Variants in PHKA1 observed in about 807,000 individuals in gnomAD.
PHKA1 encodes phosphorylase b kinase regulatory subunit alpha, skeletal muscle isoform.
A neutral mutation model predicts 110.2 loss-of-function variants in PHKA1; 60 were observed. That is an observed-to-expected ratio of 0.54 (90% CI 0.44 to 0.68). The LOEUF (loss-of-function observed/expected upper bound fraction) is 0.68. Among genes scored for constraint, PHKA1 ranks in the 30% least tolerant of loss-of-function variants. PHKA1 has a pLI of 0.00. For missense variants in PHKA1, 801 were observed against 942.5 expected (o/e 0.85, Z 1.97); for synonymous variants, 316 against 333.6 (o/e 0.95, Z 0.58).
intron 14 of PHKA1, 86 bp downstream of exon 14, chrX:72,644,276 T>C: frequency 9.8e-7 from 1 of 1,016,111 alleles, no homozygotes; most frequent in Non-Finnish European, 1.4e-6. Flanking sequence ...AATAAAGCAA[T>C]ACACAATCAT....
intron 26 of PHKA1, among the ~76,000 whole-genome samples, chrX:72,602,640 C>CAT (rs1415772512): frequency 1.8e-5 from 2 of 112,082 alleles, no homozygotes; most frequent in Admixed American, 1.9e-4. Flanking sequence ...GACCACTTTT[C>CAT]ATTTGCTCTG....
intron 16 of PHKA1, among the ~76,000 whole-genome samples, chrX:72,627,545 T>A (rs965979239): frequency 1.1e-4 from 12 of 112,450 alleles, no homozygotes; most frequent in African/African-American, 3.9e-4. Context: ...ATGATCTGCT[T>A]TCTAACTTTA....
intron 6 of PHKA1, among the ~76,000 whole-genome samples, chrX:72,674,284 T>C (rs1463752687): frequency 9.0e-6 from 1 of 110,507 alleles, no homozygotes; most frequent in Non-Finnish European, 1.9e-5. Flanking sequence ...CATGTGTCTT[T>C]ATAGCAGCAT....
At chrX:72,666,443 A>G in intron 7 of PHKA1, 146 bp from the exon 8 acceptor site, 1 of 507,004 alleles carries the variant, frequency 2.0e-6, no homozygotes, top group South Asian at 3.2e-5. Context: ...GTAGGTTAGT[A>G]AATACCTTAG....
chrX:72,597,287 TG>T (rs2052603119), intron 28 of PHKA1, among the ~76,000 whole-genome samples: 1 of 112,250 alleles, frequency 8.9e-6, no homozygotes, highest in African/African-American at 3.2e-5. Context: ...ACAAACGCTA[TG>T]GTTTATGTTG....
intron 28 of PHKA1, chrX:72,599,844 C>A: frequency 1.8e-6 from 1 of 549,929 alleles, no homozygotes. Context: ...CAAATCTATA[C>A]CCAGGGGATG....
chrX:72,607,434 A>C (rs781790030), intron 23 of PHKA1, among the ~76,000 whole-genome samples: 2 of 111,971 alleles, frequency 1.8e-5, no homozygotes, highest in Admixed American at 9.5e-5. Flanking sequence ...GTGAGATGAT[A>C]CTTCACTGTA....
In PHKA1 at chrX:72,603,192, A is replaced by G; in HGVS notation, c.2844T>C (p.Asn948=). 1 of 1,205,109 alleles carries G rather than the reference A, an allele frequency of 8.3e-7. No homozygotes were observed. The highest frequency in any genetic ancestry group is 1.1e-6 in the Non-Finnish European group (1 of 889,844). ...SAEEATEGLM[N]LSPSAMKNLL... is the part of the protein sequence containing the mutation. ...GATTCTTCATGGCCGAAGGACTGAG[A>G]TTCATCAGGCCCTCTGTGGCTTCCT... Residue 948 remains asparagine, a synonymous_variant, in exon 26 of 32, where the codon AAT becomes AAC. Coordinates refer to ENST00000373542, the MANE Select transcript of PHKA1 (RefSeq NM_002637.4).
chrX:72,693,222 G>C (rs782550764), intron 4 of PHKA1, among the ~76,000 whole-genome samples: 2 of 111,357 alleles, frequency 1.8e-5, no homozygotes, highest in South Asian at 7.6e-4. Flanking sequence ...TAGTTTTATG[G>C]TATACCATAT....
intron 28 of PHKA1, among the ~76,000 whole-genome samples, chrX:72,595,722 C>A (rs1312692021): frequency 2.7e-5 from 3 of 111,441 alleles, no homozygotes; most frequent in African/African-American, 6.5e-5. Context: ...CATGGAAATG[C>A]GGATCAAACC....
chrX:72,682,110 C>T (rs2053894925), intron 5 of PHKA1, among the ~76,000 whole-genome samples: 3 of 89,728 alleles, frequency 3.3e-5, no homozygotes, highest in Non-Finnish European at 4.6e-5. Flanking sequence ...GCCAGCCGCC[C>T]CGTCCGGGAG....
At chrX:72,655,708 C>T (rs374934682) in intron 10 of PHKA1, among the ~76,000 whole-genome samples, 2 of 110,648 alleles carry the variant, frequency 1.8e-5, no homozygotes, top group Admixed American at 9.5e-5. Context: ...CTGCAGGCTC[C>T]GCCTCCCAGG....
intron 3 of PHKA1, among the ~76,000 whole-genome samples, chrX:72,700,299 A>C (rs1462155817): frequency 8.9e-6 from 1 of 112,271 alleles, no homozygotes; most frequent in Non-Finnish European, 1.9e-5. Context: ...AAGCATTTCA[A>C]ACTTTTATAT....
chrX:72,647,056 C>T (rs2053369196), intron 13 of PHKA1, among the ~76,000 whole-genome samples: 1 of 109,216 alleles, frequency 9.2e-6, no homozygotes, highest in African/African-American at 3.3e-5. Context: ...TGCTTGAACC[C>T]AGGAGGCAGA....
intron 29 of PHKA1, among the ~76,000 whole-genome samples, chrX:72,586,615 G>A (rs2052434523): frequency 9.0e-6 from 1 of 110,752 alleles, no homozygotes; most frequent in South Asian, 3.9e-4. Context: ...TCAGAAGGTT[G>A]GTAACAACAA....
intron 28 of PHKA1, among the ~76,000 whole-genome samples, chrX:72,594,307 A>G (rs1386361441): frequency 9.1e-6 from 1 of 109,648 alleles, no homozygotes; most frequent in African/African-American, 3.3e-5. Context: ...TAAGGATTAG[A>G]GTGGAAAGAA....
chrX:72,609,756 A>T, intron 22 of PHKA1, 53 bp from the exon 23 acceptor site: 1 of 888,807 alleles, frequency 1.1e-6, no homozygotes, highest in Non-Finnish European at 1.7e-6. Flanking sequence ...AGGTTTCCAC[A>T]AACATTTCTC....
At chrX:72,701,486 T>C (rs1433648018) in intron 3 of PHKA1, among the ~76,000 whole-genome samples, 1 of 112,010 alleles carries the variant, frequency 8.9e-6, no homozygotes, top group Non-Finnish European at 1.9e-5. Context: ...TTTGGGAGGC[T>C]GAGGCAGGTG....
At chrX:72,676,483 A>G (rs886186556) in intron 5 of PHKA1, among the ~76,000 whole-genome samples, 39 of 112,149 alleles carry the variant, frequency 3.5e-4, no homozygotes, top group Non-Finnish European at 6.8e-4. Context: ...GATCTGCAAG[A>G]TGGAGCCTAA....
Sources: allele counts gnomAD v4.1 joint callset (sites outside exome capture counted in the v4.1 genomes callset), GRCh38; gene constraint gnomAD v4.1.1; transcripts MANE v1.5; gene names NCBI Gene and HGNC (gene_info 2026-07-23, HGNC 2026-07-21).